Variants in UBE2E1 observed in about 807,000 individuals in gnomAD.
UBE2E1 encodes ubiquitin-conjugating enzyme E2 E1.
Under a neutral mutation model 21.4 loss-of-function variants are expected in UBE2E1, and 6 were observed. The observed-to-expected ratio is 0.28, with a 90% CI of 0.15 to 0.55. UBE2E1 has a LOEUF of 0.55. Ranked by LOEUF, UBE2E1 falls within the 20% of genes least tolerant of loss-of-function variation. UBE2E1 has a pLI of 0.93. For synonymous variants in UBE2E1, 87 were observed against 82.7 expected, an observed-to-expected ratio of 1.05 and a Z score of -0.28; for missense variants, 142 against 236.5, an observed-to-expected ratio of 0.60 and a Z score of 2.62.
At chr3:23,835,280 G>T (rs1699953213) in intron 3 of UBE2E1, among the ~76,000 whole-genome samples, 1 of 152,096 alleles carries the variant, frequency 6.6e-6, no homozygotes, top group African/African-American at 2.4e-5. Flanking sequence ...GAGCAGCCTG[G>T]GCAGTATAGC....
At chr3:23,859,500 G>C (rs1235862483) in intron 3 of UBE2E1, among the ~76,000 whole-genome samples, 13 of 152,154 alleles carry the variant, frequency 8.5e-5, no homozygotes, top group Non-Finnish European at 1.5e-5. Flanking sequence ...TGCTTACCAG[G>C]TTCTTCATCC....
At chr3:23,812,397 A>T (rs1427671152) in intron 3 of UBE2E1, among the ~76,000 whole-genome samples, 3 of 152,254 alleles carry the variant, frequency 2.0e-5, no homozygotes, top group Non-Finnish European at 4.4e-5. Flanking sequence ...AGTAGAAGTT[A>T]CTGACAAAGT....
chr3:23,809,656 T>C (rs1207476655), intron 2 of UBE2E1, among the ~76,000 whole-genome samples: 1 of 152,242 alleles, frequency 6.6e-6, no homozygotes, highest in African/African-American at 2.4e-5. Flanking sequence ...AAGAAACAAC[T>C]ACCTTTTTTT....
intron 3 of UBE2E1, among the ~76,000 whole-genome samples, chr3:23,840,967 A>T (rs571802377): frequency 6.6e-6 from 1 of 152,314 alleles, no homozygotes; most frequent in East Asian, 1.9e-4. Context: ...TTGTTGTTTA[A>T]GTGGTAGGGC....
chr3:23,821,423 G>A (rs6776201), intron 3 of UBE2E1, among the ~76,000 whole-genome samples: 20,340 of 152,214 alleles, frequency 0.13, 2,005 homozygotes, highest in African/African-American at 0.26. Context: ...TGTAAACCGT[G>A]CTAAGTAGAG....
intron 3 of UBE2E1, among the ~76,000 whole-genome samples, chr3:23,814,935 G>A (rs1699481581): frequency 6.6e-6 from 1 of 152,180 alleles, no homozygotes; most frequent in Non-Finnish European, 1.5e-5. Context: ...TAAAATGTCT[G>A]AAAAGTCATT....
rs564747786 is a variant in UBE2E1, at chr3:23,825,560, T to G, written c.203+14050T>G. ...AATTTCAGAAAACAGTACCAAGAAA[T>G]TAAAATAGAGTAAAATGGCTTGGTG... On this transcript the variant is annotated intron_variant, in intron 3 of 5. Transcript: ENST00000306627. Among the ~76,000 whole-genome samples, 14 of 152,024 alleles carry G rather than the reference T, an allele frequency of 9.2e-5. 1 individual carries two copies. The South Asian group carries it at 1.7e-3, about 18-fold the overall frequency.
In UBE2E1 at chr3:23,842,198, G is replaced by GGGGTGTGTGTGTGTGTGTGT. The variant is rs1553637704; in HGVS notation, c.203+30689_203+30690insGGTGTGTGTGTGTGTGTGTG. 6.7e-5 allele frequency among the ~76,000 whole-genome samples: 7 copies of GGGGTGTGTGTGTGTGTGTGT among 104,280 alleles called. No individual in the cohort carries two copies. Among genetic ancestry groups the GGGGTGTGTGTGTGTGTGTGT allele is most frequent in the South Asian group, 6.8e-4 (2 of 2,932 alleles). The allele number at this position is 104,280 out of a possible 152,430, so 68.4% of individuals were successfully genotyped here. On this transcript the variant is annotated intron_variant, in intron 3 of 5. Coordinates refer to ENST00000306627, the MANE Select transcript of UBE2E1 (RefSeq NM_003341.5). The surrounding 1 kb of genome is among the most constrained non-coding windows in gnomAD (Gnocchi z 4.6). ...TATGTCATGACCCAGTAAGTGAAGGGGTGTGTGTGTGTGTGTGTGTGTGTG... is the reference window on the plus strand; with the variant it reads ...TATGTCATGACCCAGTAAGTGAAGGGGGGTGTGTGTGTGTGTGTGTGTGTGTGTGTGTGTGTGTGTGTGTG...
chr3:23,831,837 A>G (rs1699873278), intron 3 of UBE2E1, among the ~76,000 whole-genome samples: 1 of 151,874 alleles, frequency 6.6e-6, no homozygotes, highest in South Asian at 2.1e-4. Context: ...CTGGAATTAC[A>G]GGTGCCCGCC....
chr3:23,825,578 G>T (rs1025418919), intron 3 of UBE2E1, among the ~76,000 whole-genome samples: 2 of 152,102 alleles, frequency 1.3e-5, no homozygotes, highest in African/African-American at 4.8e-5. Context: ...GAGTAAAATG[G>T]CTTGGTGAGT....
chr3:23,866,474 C>G (rs1700660014), intron 3 of UBE2E1: 1 of 152,204 alleles, frequency 6.6e-6, no homozygotes, highest in Admixed American at 6.5e-5. Context: ...AACTTCTGAG[C>G]TGGAGAAAGT....
intron 3 of UBE2E1, among the ~76,000 whole-genome samples, chr3:23,824,920 AAGG>A (rs985646209): frequency 1.6e-4 from 25 of 152,330 alleles, no homozygotes; most frequent in African/African-American, 6.0e-4. Flanking sequence ...TTGACTTTTC[AAGG>A]AGGAGATAAG....
Position 23,845,668 on chromosome 3 carries a change from G to T in UBE2E1, c.203+34158G>T, listed in dbSNP as rs1038958685. Among the ~76,000 whole-genome samples the T allele has an allele frequency of 1.1e-4, 16 of 149,076 alleles. 1 individual carries two copies. Among genetic ancestry groups the T allele is most frequent in the African/African-American group, 3.9e-4 (16 of 40,580 alleles). On this transcript the variant is annotated intron_variant, in intron 3 of 5. Coordinates refer to ENST00000306627, the MANE Select transcript of UBE2E1 (RefSeq NM_003341.5). ...TTTCTTTTTAAACAAAACCTCTCTA[G>T]GGTGGAGTTTGGCAAAGTTATTTAG...
chr3:23,872,814 C>G (rs891359992), intron 3 of UBE2E1, among the ~76,000 whole-genome samples: 1 of 152,110 alleles, frequency 6.6e-6, no homozygotes, highest in African/African-American at 2.4e-5. Flanking sequence ...GTCAGGAGAT[C>G]GAGACCATCC....
rs1375483840 is a variant in UBE2E1, at chr3:23,887,646, G to A, written c.283G>A (p.Val95Ile). ...GPPGSVYEGG[V>I]FFLDITFTPE... Reference sequence around the variant, plus strand: ...TCCAGGATCCGTGTATGAGGGTGGTGTATTCTTTCTCGATATCACTTTTAC... The same window carrying A: ...TCCAGGATCCGTGTATGAGGGTGGTATATTCTTTCTCGATATCACTTTTAC... The change falls in exon 4 of 6, where the codon GTA (valine) becomes ATA (isoleucine). Residue 95 changes from valine to isoleucine, a missense_variant. By Grantham distance (29) the Val-to-Ile change is conservative (BLOSUM62 3). Around this residue, in one of 2 missense-constraint regions of UBE2E1, gnomAD observed 87 missense variants for 184.9 expected, o/e 0.47. Coordinates refer to ENST00000306627, the MANE Select transcript of UBE2E1 (RefSeq NM_003341.5). This position sits in a 1 kb window ranked among gnomAD's most constrained non-coding sequence, Gnocchi z 4.4. 1.9e-6 allele frequency: 3 copies of A among 1,613,996 alleles called. No homozygotes were observed. The highest frequency in any genetic ancestry group is 8.5e-7 in the Non-Finnish European group (1 of 1,179,986).
At chr3:23,856,090 G>T (rs1700429690) in intron 3 of UBE2E1, among the ~76,000 whole-genome samples, 1 of 152,026 alleles carries the variant, frequency 6.6e-6, no homozygotes, top group African/African-American at 2.4e-5. Flanking sequence ...GCAGTGGCAT[G>T]ATCTCGGCTC....
At chr3:23,832,141 G>A (rs1199755158) in intron 3 of UBE2E1, among the ~76,000 whole-genome samples, 2 of 152,242 alleles carry the variant, frequency 1.3e-5, no homozygotes, top group Non-Finnish European at 2.9e-5. Context: ...TTAGAAAACA[G>A]TAACTGCTCA....
intron 5 of UBE2E1, 24 bp from the exon 6 acceptor site, chr3:23,890,485 G>A (rs748902545): frequency 1.2e-6 from 2 of 1,602,344 alleles, no homozygotes; most frequent in Admixed American, 3.5e-5. Context: ...TTTCTCCAAA[G>A]TAATCTACAT....
chr3:23,874,987 C>G (rs546316424), intron 3 of UBE2E1, among the ~76,000 whole-genome samples: 1 of 152,284 alleles, frequency 6.6e-6, no homozygotes, highest in South Asian at 2.1e-4. Flanking sequence ...TCAGCCATCC[C>G]TAGTTAAGAG....
Sources: gnomAD v4.1 joint callset for allele counts (sites outside exome capture counted in the v4.1 genomes callset) on GRCh38, gnomAD v4.1.1 for gene constraint, gnomAD v4.1.1 regional missense constraint, Gnocchi (gnomAD v3.1) non-coding constraint, MANE v1.5 for transcripts, NCBI Gene and HGNC (gene_info 2026-07-23, HGNC 2026-07-21) for gene names.